Variants in CCSER1 observed in about 807,000 individuals in gnomAD.
CCSER1 encodes the protein coiled-coil serine rich protein 1.
In CCSER1, 41 loss-of-function variants were observed where a neutral mutation model predicts 82.0. That is an observed-to-expected ratio of 0.50 (90% CI 0.39 to 0.65). The LOEUF (loss-of-function observed/expected upper bound fraction) is 0.65, where lower values mean the gene tolerates loss of function less well. Among genes scored for constraint, CCSER1 ranks in the 30% least tolerant of loss-of-function variants. The pLI is 0.00. For missense variants in CCSER1, 1,119 were observed against 1,064.2 expected (o/e 1.05, Z -0.72); for synonymous variants, 414 against 383.9 (o/e 1.08, Z -0.92).
chr4:90,320,989 A>G (rs1296591038), intron 3 of CCSER1, among the ~76,000 whole-genome samples: 1 of 152,118 alleles, frequency 6.6e-6, no homozygotes, highest in Non-Finnish European at 1.5e-5. Context: ...ACAGGAATGC[A>G]ATTTATATTA....
chr4:90,351,637 TAGA>T (rs879602869), intron 3 of CCSER1, among the ~76,000 whole-genome samples: 9 of 152,292 alleles, frequency 5.9e-5, no homozygotes, highest in Admixed American at 2.6e-4. Flanking sequence ...TATGTATTTC[TAGA>T]AGAAAACAAA....
At chr4:91,544,190 G>C (rs1761758850) in intron 10 of CCSER1, among the ~76,000 whole-genome samples, 2 of 152,078 alleles carry the variant, frequency 1.3e-5, no homozygotes, top group South Asian at 2.1e-4. Flanking sequence ...GTTTATTCTA[G>C]TTAGCCATTC....
chr4:91,318,685 G>T (rs768723345), intron 10 of CCSER1, among the ~76,000 whole-genome samples: 1 of 151,900 alleles, frequency 6.6e-6, no homozygotes, highest in African/African-American at 2.4e-5. Context: ...ATAGAATAAG[G>T]GAGATTATCT....
chr4:91,159,767 T>G (rs1731190817), intron 10 of CCSER1, among the ~76,000 whole-genome samples: 2 of 151,920 alleles, frequency 1.3e-5, no homozygotes, highest in East Asian at 1.9e-4. Flanking sequence ...ACTGAGAAAA[T>G]TTTTGATGAA....
At chr4:90,592,346 A>G (rs1475951650) in intron 5 of CCSER1, among the ~76,000 whole-genome samples, 2 of 152,210 alleles carry the variant, frequency 1.3e-5, no homozygotes, top group Non-Finnish European at 2.9e-5. Context: ...GTAAGACGGC[A>G]TTAGACTTTG....
chr4:91,048,839 A>C (rs1269422058), intron 9 of CCSER1, among the ~76,000 whole-genome samples: 1 of 152,178 alleles, frequency 6.6e-6, no homozygotes, highest in Non-Finnish European at 1.5e-5. Flanking sequence ...TCTCAAGTAC[A>C]CACTGCATTA....
At chr4:91,397,279 A>G (rs1752047661) in intron 10 of CCSER1, among the ~76,000 whole-genome samples, 1 of 152,058 alleles carries the variant, frequency 6.6e-6, no homozygotes. Context: ...AGGTAGCTTC[A>G]GTGGTGTGGG....
intron 10 of CCSER1, among the ~76,000 whole-genome samples, chr4:91,165,973 T>G (rs1394014549): frequency 6.6e-6 from 1 of 152,246 alleles, no homozygotes; most frequent in East Asian, 1.9e-4. Flanking sequence ...ATGAACCAGG[T>G]ACCTCAGTAG....
At chr4:90,218,615 T>C (rs1461200854) in intron 1 of CCSER1, among the ~76,000 whole-genome samples, 1 of 152,196 alleles carries the variant, frequency 6.6e-6, no homozygotes, top group Non-Finnish European at 1.5e-5. Context: ...AGTGATAACT[T>C]TTCAGGGTCT....
intron 10 of CCSER1, among the ~76,000 whole-genome samples, chr4:91,464,950 A>AC (rs772765286): frequency 1.3e-5 from 2 of 152,338 alleles, no homozygotes; most frequent in South Asian, 4.1e-4. Context: ...GATCAATGAG[A>AC]CAGAAAGTGA....
At chr4:91,477,055 A>G (rs1757634424) in intron 10 of CCSER1, among the ~76,000 whole-genome samples, 1 of 151,772 alleles carries the variant, frequency 6.6e-6, no homozygotes. Flanking sequence ...AACAAAAGCA[A>G]AAATTGACAA....
At chr4:90,555,002 C>T (rs1488709541) in intron 5 of CCSER1, among the ~76,000 whole-genome samples, 1 of 151,988 alleles carries the variant, frequency 6.6e-6, no homozygotes, top group Non-Finnish European at 1.5e-5. Flanking sequence ...CTTTTATATT[C>T]CCTTCTTTAT....
intron 10 of CCSER1, among the ~76,000 whole-genome samples, chr4:91,422,912 C>T (rs1014377296): frequency 2.2e-4 from 33 of 152,164 alleles, no homozygotes; most frequent in African/African-American, 7.5e-4. Flanking sequence ...AAAGACATTT[C>T]AATGTCAACT....
intron 5 of CCSER1, among the ~76,000 whole-genome samples, chr4:90,487,398 G>A (rs1767275579): frequency 6.6e-6 from 1 of 152,198 alleles, no homozygotes; most frequent in East Asian, 1.9e-4. Flanking sequence ...ACAATCATAA[G>A]TGCACTTCCC....
chr4:91,570,762 G>C (rs914225301), intron 10 of CCSER1, among the ~76,000 whole-genome samples: 1 of 152,166 alleles, frequency 6.6e-6, no homozygotes, highest in Non-Finnish European at 1.5e-5. Flanking sequence ...GAAGGTCTCT[G>C]ACATGCCCTG....
intron 10 of CCSER1, among the ~76,000 whole-genome samples, chr4:91,201,926 C>T (rs1470714969): frequency 6.6e-6 from 1 of 151,922 alleles, no homozygotes; most frequent in East Asian, 1.9e-4. Flanking sequence ...TTTATCAAAT[C>T]ATGAATTTAT....
chr4:90,913,460 C>T (rs568261955), intron 8 of CCSER1, among the ~76,000 whole-genome samples: 76 of 152,222 alleles, frequency 5.0e-4, no homozygotes, highest in Non-Finnish European at 7.8e-4. Flanking sequence ...TTGTCACCAC[C>T]GGGCCTGCCC....
chr4:91,450,895 G>T (rs530641348), intron 10 of CCSER1, among the ~76,000 whole-genome samples: 1 of 152,022 alleles, frequency 6.6e-6, no homozygotes, highest in South Asian at 2.1e-4. Flanking sequence ...AGCCAGGATG[G>T]GAAAAAAGTT....
intron 10 of CCSER1, among the ~76,000 whole-genome samples, chr4:91,531,491 A>G (rs1169510949): frequency 6.6e-6 from 1 of 152,236 alleles, no homozygotes; most frequent in Non-Finnish European, 1.5e-5. Context: ...TTACAACACA[A>G]ACTTACTAAA....
Sources: gnomAD v4.1 joint callset for allele counts (sites outside exome capture counted in the v4.1 genomes callset) on GRCh38, gnomAD v4.1.1 for gene constraint, MANE v1.5 for transcripts, NCBI Gene and HGNC (gene_info 2026-07-23, HGNC 2026-07-21) for gene names.